ATP13A4: variants seen among roughly 807,000 people sequenced by gnomAD.
ATP13A4 encodes the protein probable cation-transporting ATPase 13A4.
In ATP13A4, 114 loss-of-function variants were observed where a neutral mutation model predicts 142.5. The observed-to-expected ratio is 0.80, with a 90% CI of 0.69 to 0.93. The LOEUF (loss-of-function observed/expected upper bound fraction) is 0.93. ATP13A4 is among the 40% of genes least tolerant of loss of function. ATP13A4 has a pLI of 0.00. For missense variants in ATP13A4, 1,392 were observed against 1,454.0 expected (o/e 0.96, Z 0.69); for synonymous variants, 488 against 514.8 (o/e 0.95, Z 0.70).
At chr3:193,571,075 C>T (rs3891477) in intron 2 of ATP13A4, among the ~76,000 whole-genome samples, 3 of 152,100 alleles carry the variant, frequency 2.0e-5, no homozygotes, top group South Asian at 2.1e-4. Flanking sequence ...GTCAGGAGTT[C>T]GAAACCAGCC....
At chr3:193,586,422 G>T (rs1209726914) in intron 1 of ATP13A4, among the ~76,000 whole-genome samples, 1 of 152,122 alleles carries the variant, frequency 6.6e-6, no homozygotes, top group Non-Finnish European at 1.5e-5. Context: ...TCTTTGCAAA[G>T]ATACTGTATT....
intron 1 of ATP13A4, among the ~76,000 whole-genome samples, chr3:193,547,738 G>A (rs1375863402): frequency 1.3e-5 from 2 of 151,756 alleles, no homozygotes; most frequent in African/African-American, 2.4e-5. Context: ...CAACCTGTGT[G>A]GTCACACAGG....
intron 25 of ATP13A4, among the ~76,000 whole-genome samples, chr3:193,429,817 A>C (rs1715872869): frequency 6.6e-6 from 1 of 152,118 alleles, no homozygotes; most frequent in Non-Finnish European, 1.5e-5. Context: ...AAATGAAAAT[A>C]AGATGCACTA....
intron 8 of ATP13A4, among the ~76,000 whole-genome samples, chr3:193,475,380 T>C (rs1237043499): frequency 6.6e-6 from 1 of 152,000 alleles, no homozygotes; most frequent in Non-Finnish European, 1.5e-5. Context: ...GTATGTAAAA[T>C]ATACGCAGCA....
At chr3:193,442,319 A>T in intron 19 of ATP13A4, 74 bp downstream of exon 19, 1 of 1,462,546 alleles carries the variant, frequency 6.8e-7, no homozygotes, top group Non-Finnish European at 9.5e-7. Flanking sequence ...TGTTGACTCT[A>T]GGTCAAAGCT....
At chr3:193,437,215 T>A (rs780460012) in intron 23 of ATP13A4, among the ~76,000 whole-genome samples, 13 of 139,374 alleles carry the variant, frequency 9.3e-5, no homozygotes, top group Non-Finnish European at 1.7e-4. Context: ...CTTAGAGAGG[T>A]TCTCTAAGCA....
chr3:193,489,714 T>G lies in ATP13A4; in HGVS notation c.738+16A>C, dbSNP rs146511805. ...CCTTCCCTTTATGAAACCATAGAATTAATAGAAAAACTCACCTCTCTGAGA... is the reference window on the plus strand; with the variant it reads ...CCTTCCCTTTATGAAACCATAGAATGAATAGAAAAACTCACCTCTCTGAGA... On this transcript the variant is annotated intron_variant, in intron 7 of 29. Coordinates refer to ENST00000342695, the MANE Select transcript of ATP13A4 (RefSeq NM_032279.4). 4.3e-3 allele frequency: 6,927 copies of G among 1,600,278 alleles called. 18 individuals carry two copies. The highest frequency in any genetic ancestry group is 5.0e-3 in the Non-Finnish European group (5,855 of 1,167,876).
intron 9 of ATP13A4, among the ~76,000 whole-genome samples, chr3:193,468,963 T>C (rs1718460976): frequency 6.6e-6 from 1 of 152,200 alleles, no homozygotes; most frequent in African/African-American, 2.4e-5. Flanking sequence ...AGAAATACCA[T>C]GTTGAGAAGC....
intron 2 of ATP13A4, among the ~76,000 whole-genome samples, chr3:193,567,985 G>A (rs1051267004): frequency 6.6e-6 from 1 of 151,136 alleles, no homozygotes; most frequent in African/African-American, 2.4e-5. Context: ...TTTAGACGGA[G>A]TTTCACTCTT....
intron 7 of ATP13A4, among the ~76,000 whole-genome samples, chr3:193,486,175 C>A (rs1057104144): frequency 1.3e-5 from 2 of 151,540 alleles, no homozygotes; most frequent in African/African-American, 4.8e-5. Flanking sequence ...TCTTAGAGAT[C>A]CTCAGTGATT....
chr3:193,438,345 T>G (rs1716422645), intron 23 of ATP13A4, 130 bp downstream of exon 23: 1 of 751,516 alleles, frequency 1.3e-6, no homozygotes, highest in African/African-American at 1.7e-5. Flanking sequence ...AATGCTTGAC[T>G]GCATTCTTCC....
chr3:193,572,723 A>T (rs11922359), intron 2 of ATP13A4, among the ~76,000 whole-genome samples: 61,642 of 151,886 alleles, frequency 0.41, 13,978 homozygotes, highest in African/African-American at 0.62. Context: ...CCCAGAAACT[A>T]TGCACCGCTG....
intron 1 of ATP13A4, among the ~76,000 whole-genome samples, chr3:193,528,466 T>G (rs1722131478): frequency 6.6e-6 from 1 of 152,178 alleles, no homozygotes; most frequent in African/African-American, 2.4e-5. Context: ...TTCAAGCCAA[T>G]GGACAGAAGT....
chr3:193,470,834 G>T (rs755419129), intron 9 of ATP13A4, 25 bp downstream of exon 9: 1 of 1,613,750 alleles, frequency 6.2e-7, no homozygotes, highest in Non-Finnish European at 8.5e-7. Context: ...CACAGAGGTT[G>T]TCAGCTGTGG....
At chr3:193,430,826 G>A (rs1254103308) in intron 25 of ATP13A4, among the ~76,000 whole-genome samples, 3 of 151,974 alleles carry the variant, frequency 2.0e-5, no homozygotes, top group Non-Finnish European at 4.4e-5. Flanking sequence ...AAGCATTGGA[G>A]CATTTTAAGC....
At chr3:193,463,699 T>C (rs1399300978) in intron 12 of ATP13A4, among the ~76,000 whole-genome samples, 1 of 152,146 alleles carries the variant, frequency 6.6e-6, no homozygotes, top group Non-Finnish European at 1.5e-5. Flanking sequence ...TTTATACAAA[T>C]TGAGGTCACA....
At chr3:193,492,085 A>C (rs569245364) in intron 5 of ATP13A4, among the ~76,000 whole-genome samples, 1 of 152,198 alleles carries the variant, frequency 6.6e-6, no homozygotes, top group Non-Finnish European at 1.5e-5. Flanking sequence ...AGTGCTTCTC[A>C]AACTTTAATG....
chr3:193,426,167 A>C (rs112673284), intron 25 of ATP13A4, among the ~76,000 whole-genome samples: 76 of 151,986 alleles, frequency 5.0e-4, no homozygotes, highest in African/African-American at 1.7e-3. Context: ...TGAATACAGC[A>C]ATGTTTCAGG....
At chr3:193,438,810 C>T (rs1351418987) in intron 22 of ATP13A4, among the ~76,000 whole-genome samples, 1 of 152,192 alleles carries the variant, frequency 6.6e-6, no homozygotes, top group Non-Finnish European at 1.5e-5. Flanking sequence ...CCTGAACTAA[C>T]CATTGAATCG....
Sources: gnomAD v4.1 joint callset for allele counts (sites outside exome capture counted in the v4.1 genomes callset) on GRCh38, gnomAD v4.1.1 for gene constraint, MANE v1.5 for transcripts, NCBI Gene and HGNC (gene_info 2026-07-23, HGNC 2026-07-21) for gene names.